AMPH: variants seen among roughly 807,000 people sequenced by gnomAD.
The protein encoded by AMPH is amphiphysin, also known as amphiphysin (Stiff-Mann syndrome with breast cancer 128kD autoantigen).
AMPH carries 49 observed loss-of-function variants against 99.1 expected under a neutral mutation model. The ratio of observed to expected loss-of-function variants is 0.49; its 90% CI spans 0.39 to 0.63. The LOEUF (loss-of-function observed/expected upper bound fraction) is 0.63, where lower values mean the gene tolerates loss of function less well. Ranked by LOEUF, AMPH falls within the 20% of genes least tolerant of loss-of-function variation. The pLI is 0.00. For missense variants in AMPH, 759 were observed against 863.4 expected, an observed-to-expected ratio of 0.88 and a Z score of 1.52; for synonymous variants, 314 against 317.3, an observed-to-expected ratio of 0.99 and a Z score of 0.11.
intron 17 of AMPH, among the ~76,000 whole-genome samples, chr7:38,405,423 A>G (rs1020286125): frequency 5.9e-5 from 9 of 152,316 alleles, no homozygotes; most frequent in East Asian, 5.8e-4. Context: ...GATTAAAAAA[A>G]CAAAACCCAA....
chr7:38,596,946 A>G (rs1047444143), intron 1 of AMPH, among the ~76,000 whole-genome samples: 3 of 152,202 alleles, frequency 2.0e-5, no homozygotes, highest in Admixed American at 6.5e-5. Context: ...TGGCTTCAAC[A>G]GTTTCCCACT....
At position 38,563,894 on chromosome 7, in the gene AMPH, A is replaced by G. The variant is rs77986493; in HGVS notation, c.70-28883T>C. ...ACTTCTGGAATCATGTTTTCCTTCA[A>G]ATTATATCCTAAGAATGTTATCACC... On this transcript the variant is annotated intron_variant, in intron 1 of 20. Transcript: ENST00000356264. Among the ~76,000 whole-genome samples the G allele has an allele frequency of 3.1e-3, 473 of 152,190 alleles. 5 individuals carry two copies. Among genetic ancestry groups the G allele is most frequent in the African/African-American group, 9.4e-3 (391 of 41,508 alleles).
intron 1 of AMPH, among the ~76,000 whole-genome samples, chr7:38,571,491 A>C (rs1160938128): frequency 7.4e-6 from 1 of 135,060 alleles, no homozygotes; most frequent in Non-Finnish European, 1.6e-5. Context: ...TATATATTCT[A>C]TATAAATATA....
At chr7:38,466,065 A>G (rs1220654961) in intron 8 of AMPH, 108 bp downstream of exon 8, 3 of 881,846 alleles carry the variant, frequency 3.4e-6, no homozygotes, top group African/African-American at 3.5e-5. Context: ...TAAAAGAAAC[A>G]TACAAAAGGG....
At chr7:38,461,547 T>A in intron 10 of AMPH, 136 bp from the exon 11 acceptor site, 2 of 1,040,922 alleles carry the variant, frequency 1.9e-6, no homozygotes, top group Non-Finnish European at 2.8e-6. Flanking sequence ...AGCAAGCCTA[T>A]CTGATACAGG....
intron 5 of AMPH, among the ~76,000 whole-genome samples, chr7:38,485,684 T>C (rs1202492116): frequency 6.6e-6 from 1 of 151,884 alleles, no homozygotes; most frequent in Admixed American, 6.6e-5. Flanking sequence ...ATTTCTTAAG[T>C]TGCACATGGA....
intron 2 of AMPH, among the ~76,000 whole-genome samples, chr7:38,528,414 T>C (rs1481945595): frequency 6.6e-6 from 1 of 152,202 alleles, no homozygotes; most frequent in Non-Finnish European, 1.5e-5. Context: ...CTTTCTTTAA[T>C]AATTATTAAA....
chr7:38,532,207 C>A (rs941375359), intron 2 of AMPH, among the ~76,000 whole-genome samples: 1 of 152,090 alleles, frequency 6.6e-6, no homozygotes. Context: ...TTCTCCTTGT[C>A]TCTTCTAATA....
intron 1 of AMPH, among the ~76,000 whole-genome samples, chr7:38,591,290 C>CTT (rs67135369): frequency 0.013 from 1,803 of 138,736 alleles, 21 homozygotes; most frequent in South Asian, 0.024. Flanking sequence ...TTTTCTTTTT[C>CTT]TTTTTTTTTT....
In AMPH at chr7:38,622,475, A is replaced by ACACG. The variant is rs1562867453; in HGVS notation, c.69+8804_69+8807dup. Among the ~76,000 whole-genome samples the ACACG allele has an allele frequency of 5.9e-5, 9 of 151,864 alleles. No individual in the cohort carries two copies. In the South Asian group the frequency reaches 6.2e-4, roughly 11 times the overall value. On this transcript the variant is annotated intron_variant, in intron 1 of 20. Transcript: ENST00000356264. ...TACATACACACACACACACACACAC[A>ACACG]CACGCACAAACACATCCCCTTAGAT...
At chr7:38,404,933 G>GA (rs1289999081) in intron 17 of AMPH, among the ~76,000 whole-genome samples, 2 of 152,024 alleles carry the variant, frequency 1.3e-5, no homozygotes, top group Middle Eastern at 3.2e-3. Flanking sequence ...CAACACTAAA[G>GA]AAAAAATCTT....
chr7:38,444,095 A>T (rs1288381044), intron 11 of AMPH, among the ~76,000 whole-genome samples: 1 of 152,224 alleles, frequency 6.6e-6, no homozygotes, highest in African/African-American at 2.4e-5. Context: ...ATAACAATAT[A>T]AAATACTTAT....
chr7:38,494,612 A>C, intron 3 of AMPH, 85 bp from the exon 4 acceptor site: 1 of 1,188,528 alleles, frequency 8.4e-7, no homozygotes, highest in East Asian at 2.4e-5. Flanking sequence ...AAGTGAGAGA[A>C]AAATATTGTA....
chr7:38,590,358 T>C (rs1021921342), intron 1 of AMPH, among the ~76,000 whole-genome samples: 1 of 152,092 alleles, frequency 6.6e-6, no homozygotes, highest in Non-Finnish European at 1.5e-5. Context: ...TCTGGAGGGG[T>C]AGAAGTCAGC....
At chr7:38,620,340 G>A (rs1306466211) in intron 1 of AMPH, among the ~76,000 whole-genome samples, 2 of 32,804 alleles carry the variant, frequency 6.1e-5, no homozygotes, top group Admixed American at 3.4e-4. Flanking sequence ...ATATATATGT[G>A]TGTGTGTGTG....
chr7:38,451,383 T>C (rs7801792), intron 11 of AMPH, among the ~76,000 whole-genome samples: 96,345 of 145,328 alleles, frequency 0.66, 33,136 homozygotes, highest in East Asian at 0.88. Flanking sequence ...TATATACACA[T>C]GTATATATAC....
At chr7:38,525,277 TAGAGAGAG>T (rs66462162) in intron 2 of AMPH, among the ~76,000 whole-genome samples, 11,802 of 86,282 alleles carry the variant, frequency 0.14, 649 homozygotes, top group Middle Eastern at 0.22. Flanking sequence ...TATATATATA[TAGAGAGAG>T]AGAGAGAGAG....
intron 12 of AMPH, among the ~76,000 whole-genome samples, chr7:38,433,588 A>G (rs1370365166): frequency 5.9e-5 from 8 of 135,118 alleles, no homozygotes; most frequent in South Asian, 2.6e-4. Flanking sequence ...AGCCGGGCGT[A>G]GTGGCGGGCG....
At chr7:38,451,399 C>T (rs61076521) in intron 11 of AMPH, among the ~76,000 whole-genome samples, 1 of 134,788 alleles carries the variant, frequency 7.4e-6, no homozygotes, top group Admixed American at 7.7e-5. Flanking sequence ...TATACATATA[C>T]GTGTGTATAT....
Sources: gnomAD v4.1 joint callset for allele counts (sites outside exome capture counted in the v4.1 genomes callset) on GRCh38, gnomAD v4.1.1 for gene constraint, MANE v1.5 for transcripts, NCBI Gene and HGNC (gene_info 2026-07-23, HGNC 2026-07-21) for gene names.